The following PALM variants were observed in gnomAD, a reference collection of about 807,000 sequenced individuals.
The protein encoded by PALM is paralemmin.
In PALM, 18 loss-of-function variants were observed where a neutral mutation model predicts 30.7. The ratio of observed to expected loss-of-function variants is 0.59; its 90% CI spans 0.41 to 0.87. The LOEUF is 0.87. Ranked by LOEUF, PALM falls within the 40% of genes least tolerant of loss-of-function variation. PALM has a pLI of 0.00. For missense variants in PALM, 529 were observed against 555.4 expected (o/e 0.95, Z 0.48); for synonymous variants, 286 against 242.8 (o/e 1.18, Z -1.66).
chr19:720,753 G>A (rs957232234), intron 1 of PALM, among the ~76,000 whole-genome samples: 1 of 152,106 alleles, frequency 6.6e-6, no homozygotes, highest in Non-Finnish European at 1.5e-5. Flanking sequence ...GCAGGGACAG[G>A]CTGCCCCAGA....
At position 727,669 on chromosome 19, in the gene PALM, C is replaced by T. The variant is rs750941783; in HGVS notation, c.244C>T (p.Arg82Trp). 4.1e-5 allele frequency: 64 copies of T among 1,565,280 alleles called. No homozygotes were observed. The highest frequency in any genetic ancestry group is 5.4e-5 in the African/African-American group (4 of 74,160). The change falls in exon 4 of 9, where the codon CGG (arginine) becomes TGG (tryptophan). Residue 82 changes from arginine to tryptophan, a missense_variant. By Grantham distance (101) the Arg-to-Trp change is moderately radical. Coordinates refer to ENST00000338448, the MANE Select transcript of PALM (RefSeq NM_002579.3). ...RQMQDDEQKT[R>W]LLEDSVSRLE... is the part of the protein sequence containing the mutation. The stretch of plus-strand genomic sequence containing the variant: ...GATGCAGGACGACGAGCAGAAGACA[C>T]GGCTGCTGGAGGACTCGGTGTCCAG...
At chr19:734,371 C>T (rs59911142) in intron 6 of PALM, 177 bp downstream of exon 6, 42,397 of 607,502 alleles carry the variant, frequency 0.07, 3,943 homozygotes, top group East Asian at 0.41. Context: ...ACCAGCCTGA[C>T]CAACATGGCG....
At chr19:743,802 A>G (rs1449865422) in intron 8 of PALM, among the ~76,000 whole-genome samples, 1 of 152,204 alleles carries the variant, frequency 6.6e-6, no homozygotes, top group Non-Finnish European at 1.5e-5. Context: ...ACCTCAAGAA[A>G]TGTCAAGTCA....
chr19:722,208 G>A (rs376772923), intron 1 of PALM, among the ~76,000 whole-genome samples: 61 of 152,210 alleles, frequency 4.0e-4, no homozygotes, highest in South Asian at 1.2e-3. Context: ...GTGAGCCAGC[G>A]CACCCGGCCT....
In PALM at chr19:709,894, G is replaced by C. The variant is rs955422096; in HGVS notation, c.5+743G>C. On this transcript the variant is annotated intron_variant, in intron 1 of 8. Coordinates refer to ENST00000338448, the MANE Select transcript of PALM (RefSeq NM_002579.3). This position sits in a 1 kb window ranked among gnomAD's most constrained non-coding sequence, Gnocchi z 4.3. ...GGCTGGGATCCCTGGACCCCCGCAT[G>C]GCTGCGCCTGTGTGTGTGGGGGGGG... 6.8e-6 allele frequency among the ~76,000 whole-genome samples: 1 copy of C among 146,274 alleles called. No homozygotes were observed. The highest frequency in any genetic ancestry group is 2.7e-5 in the African/African-American group (1 of 37,528).
chr19:736,581 C>G (rs76810706), intron 7 of PALM, among the ~76,000 whole-genome samples: 1 of 152,156 alleles, frequency 6.6e-6, no homozygotes, highest in African/African-American at 2.4e-5. Context: ...GAGTGCCACA[C>G]GGTGCTCAAG....
intron 1 of PALM, chr19:719,241 TG>T (rs2032372806): frequency 3.0e-6 from 3 of 985,302 alleles, no homozygotes; most frequent in Non-Finnish European, 3.6e-6. Context: ...CCCTGCTCGC[TG>T]GGTGACCTTG....
chr19:723,824 G>A (rs2032574509), intron 1 of PALM, among the ~76,000 whole-genome samples: 1 of 152,056 alleles, frequency 6.6e-6, no homozygotes, highest in Non-Finnish European at 1.5e-5. Context: ...TCGAACTTCC[G>A]ACCTCAGGTA....
chr19:747,047 GAGAC>G lies in PALM; in HGVS notation c.*236_*239del, dbSNP rs2033369985. 7.4e-6 allele frequency: 4 copies of G among 539,292 alleles called. No homozygotes were observed. The highest frequency in any genetic ancestry group is 1.3e-5 in the Non-Finnish European group (4 of 303,656). The allele number at this position is 539,292 out of a possible 1,614,324, so 33.4% of individuals were successfully genotyped here. A position where few individuals can be genotyped will look rare whatever the true frequency, so the allele number is the denominator to read the frequency against. On this transcript the variant is annotated 3_prime_UTR_variant, in exon 9 of 9. Transcript: ENST00000338448. ...CCGTGCACTTGTGCCTGGTAGGAGA[GAGAC>G]AGGACAGACCCGCTTTTCCCGAGAC...
intron 1 of PALM, among the ~76,000 whole-genome samples, chr19:716,069 C>T (rs1295404459): frequency 1.3e-5 from 2 of 152,036 alleles, no homozygotes; most frequent in African/African-American, 4.8e-5. Context: ...AGGACAGAGC[C>T]TGGACTGGGT....
intron 1 of PALM, among the ~76,000 whole-genome samples, chr19:714,547 A>G (rs952278432): frequency 2.1e-5 from 3 of 145,836 alleles, no homozygotes; most frequent in African/African-American, 7.7e-5. Flanking sequence ...TTTAGTAGAG[A>G]TGGGGTTTCA....
Position 733,178 on chromosome 19 carries a change from G to A in PALM, c.421-995G>A, listed in dbSNP as rs1384019111. ...TGACCTCAGGTGATCCGCCCGCCTC[G>A]GCCTCCCAAAGTGCTGGGATTAGAG... is the stretch of plus-strand genomic sequence containing the variant. On this transcript the variant is annotated intron_variant, in intron 5 of 8. Coordinates refer to ENST00000338448, the MANE Select transcript of PALM (RefSeq NM_002579.3). Among the ~76,000 whole-genome samples the A allele has an allele frequency of 4.6e-5, 7 of 152,080 alleles. No individual in the cohort carries two copies. The East Asian group carries it at 5.8e-4, about 13-fold the overall frequency.
intron 1 of PALM, among the ~76,000 whole-genome samples, chr19:710,423 C>G (rs1051867746): frequency 6.6e-6 from 1 of 152,196 alleles, no homozygotes; most frequent in African/African-American, 2.4e-5. Context: ...CCCCACCCCC[C>G]AGCCTTGTTT....
At chr19:739,924 C>A (rs115603848) in intron 7 of PALM, among the ~76,000 whole-genome samples, 52 of 152,316 alleles carry the variant, frequency 3.4e-4, no homozygotes, top group African/African-American at 1.2e-3. Flanking sequence ...GATCACACCA[C>A]TGTGCTCCAG....
At chr19:733,507 C>T (rs1456657028) in intron 5 of PALM, among the ~76,000 whole-genome samples, 1 of 152,174 alleles carries the variant, frequency 6.6e-6, no homozygotes, top group Non-Finnish European at 1.5e-5. Context: ...TCTGACCATG[C>T]AGGGCAGAAC....
Position 746,173 on chromosome 19 carries a change from G to A in PALM, c.635-112G>A. On this transcript the variant is annotated intron_variant, in intron 8 of 8. Coordinates refer to ENST00000338448, the MANE Select transcript of PALM (RefSeq NM_002579.3). This position sits in a 1 kb window ranked among gnomAD's most constrained non-coding sequence, Gnocchi z 7.1. ...AATCTAGTTCGTGATTTCCTCTTTA[G>A]CCTGGAGGAGGATACAAGCCTTGCC... 1 of 749,184 alleles carries A rather than the reference G, an allele frequency of 1.3e-6. No individual in the cohort carries two copies. Among genetic ancestry groups the A allele is most frequent in the Non-Finnish European group, 2.2e-6 (1 of 445,650 alleles). The allele number at this position is 749,184 out of a possible 1,614,324, so 46.4% of individuals were successfully genotyped here.
chr19:713,615 G>A (rs896436822), intron 1 of PALM, among the ~76,000 whole-genome samples: 2 of 152,206 alleles, frequency 1.3e-5, no homozygotes, highest in Admixed American at 1.3e-4. Context: ...CAGTCTCGCT[G>A]TCACCCAGGC....
At chr19:715,676 C>G (rs2032232384) in intron 1 of PALM, among the ~76,000 whole-genome samples, 1 of 152,108 alleles carries the variant, frequency 6.6e-6, no homozygotes, top group Non-Finnish European at 1.5e-5. Context: ...AGGGGAGGAG[C>G]AGTGGCTGAC....
intron 8 of PALM, among the ~76,000 whole-genome samples, chr19:745,922 G>A (rs558705930): frequency 6.6e-6 from 1 of 150,442 alleles, no homozygotes; most frequent in African/African-American, 2.4e-5. Context: ...GCTGGGCGTG[G>A]TGGCGGATTC....
Sources: allele counts gnomAD v4.1 joint callset (sites outside exome capture counted in the v4.1 genomes callset), GRCh38; gene constraint gnomAD v4.1.1; non-coding constraint Gnocchi (gnomAD v3.1); transcripts MANE v1.5; gene names NCBI Gene and HGNC (gene_info 2026-07-23, HGNC 2026-07-21).